GPC6: variants seen among roughly 807,000 people sequenced by gnomAD.
GPC6 encodes the protein glypican 6.
GPC6 carries 14 observed loss-of-function variants against 55.2 expected under a neutral mutation model. The ratio of observed to expected loss-of-function variants is 0.25; its 90% CI spans 0.17 to 0.40. The LOEUF (loss-of-function observed/expected upper bound fraction) is 0.40. Ranked by LOEUF, GPC6 falls within the 10% of genes least tolerant of loss-of-function variation. The pLI, the probability that GPC6 is intolerant of heterozygous loss-of-function variation, is 1.00. For missense variants in GPC6, 641 were observed against 708.5 expected, an observed-to-expected ratio of 0.90 and a Z score of 1.08; for synonymous variants, 278 against 259.6, an observed-to-expected ratio of 1.07 and a Z score of -0.68.
intron 4 of GPC6, among the ~76,000 whole-genome samples, chr13:94,175,104 A>AT (rs1198419900): frequency 2.6e-5 from 4 of 152,042 alleles, no homozygotes; most frequent in Non-Finnish European, 1.5e-5. Flanking sequence ...CAGTATGTAC[A>AT]TTTTTCTGTC....
intron 3 of GPC6, among the ~76,000 whole-genome samples, chr13:93,951,372 C>T (rs74109141): frequency 0.034 from 5,103 of 152,178 alleles, 89 homozygotes; most frequent in Middle Eastern, 0.058. Context: ...GGTCTGTGGC[C>T]TAACTCAATT....
At chr13:93,728,786 C>T (rs958067701) in intron 2 of GPC6, among the ~76,000 whole-genome samples, 8 of 151,990 alleles carry the variant, frequency 5.3e-5, no homozygotes, top group African/African-American at 9.7e-5. Flanking sequence ...AGGCTGGTTT[C>T]GAACTCCTGA....
At chr13:93,605,082 C>G (rs1044499929) in intron 2 of GPC6, among the ~76,000 whole-genome samples, 1 of 152,066 alleles carries the variant, frequency 6.6e-6, no homozygotes, top group Admixed American at 6.6e-5. Flanking sequence ...CTGTTGTTTT[C>G]ATGCATTTCA....
intron 8 of GPC6, among the ~76,000 whole-genome samples, chr13:94,400,781 T>C (rs1881094395): frequency 6.6e-6 from 1 of 152,156 alleles, no homozygotes; most frequent in African/African-American, 2.4e-5. Flanking sequence ...GGGACATTGG[T>C]TGGAAATCAT....
At chr13:94,232,161 C>T (rs1890748009) in intron 4 of GPC6, among the ~76,000 whole-genome samples, 1 of 152,236 alleles carries the variant, frequency 6.6e-6, no homozygotes, top group Non-Finnish European at 1.5e-5. Context: ...ATCTACTTCT[C>T]ATGTACTGAC....
intron 1 of GPC6, among the ~76,000 whole-genome samples, chr13:93,501,978 G>A (rs1033859260): frequency 3.9e-5 from 6 of 152,102 alleles, no homozygotes; most frequent in Non-Finnish European, 7.4e-5. Context: ...ATATTAAAGA[G>A]TGTTAACTTG....
intron 2 of GPC6, among the ~76,000 whole-genome samples, chr13:93,690,536 T>C (rs1412227364): frequency 1.3e-5 from 2 of 152,010 alleles, no homozygotes; most frequent in Non-Finnish European, 2.9e-5. Flanking sequence ...TTTTTAATGT[T>C]TGCCATGCCT....
chr13:93,245,688 C>T (rs1326320936), intron 1 of GPC6, among the ~76,000 whole-genome samples: 4 of 152,168 alleles, frequency 2.6e-5, no homozygotes, highest in Non-Finnish European at 4.4e-5. Flanking sequence ...AGTGGGCAGT[C>T]ACCTTTTGGA....
At chr13:93,748,613 T>G (rs1262805462) in intron 2 of GPC6, among the ~76,000 whole-genome samples, 3 of 152,116 alleles carry the variant, frequency 2.0e-5, no homozygotes, top group African/African-American at 7.2e-5. Context: ...CCATTCATAA[T>G]TAAGTCTTAA....
intron 1 of GPC6, among the ~76,000 whole-genome samples, chr13:93,374,290 A>G (rs1379334590): frequency 1.3e-5 from 2 of 152,218 alleles, no homozygotes; most frequent in Non-Finnish European, 2.9e-5. Flanking sequence ...GGGATTGCGG[A>G]GCAGGTGGGC....
intron 4 of GPC6, among the ~76,000 whole-genome samples, chr13:94,151,034 A>G (rs532067): frequency 0.44 from 67,002 of 151,492 alleles, 16,258 homozygotes; most frequent in Non-Finnish European, 0.53. Context: ...ATGATAGCTC[A>G]TTTTATAACA....
intron 1 of GPC6, among the ~76,000 whole-genome samples, chr13:93,435,042 A>C (rs558351137): frequency 2.6e-5 from 4 of 152,330 alleles, no homozygotes; most frequent in South Asian, 2.1e-4. Flanking sequence ...AGTACCTTCC[A>C]TTAGAATTTA....
chr13:93,310,270 T>TA (rs1176712828), intron 1 of GPC6, among the ~76,000 whole-genome samples: 1 of 152,126 alleles, frequency 6.6e-6, no homozygotes, highest in Non-Finnish European at 1.5e-5. Context: ...AGAAACCGTA[T>TA]AAAAAACAAT....
intron 6 of GPC6, among the ~76,000 whole-genome samples, chr13:94,311,802 C>T (rs1321673489): frequency 1.3e-5 from 2 of 152,078 alleles, no homozygotes; most frequent in African/African-American, 4.8e-5. Context: ...AAAGGAAGAC[C>T]TTGAGAAGGG....
At chr13:94,020,200 A>C (rs776885048) in intron 3 of GPC6, among the ~76,000 whole-genome samples, 17 of 152,034 alleles carry the variant, frequency 1.1e-4, no homozygotes, top group Non-Finnish European at 1.8e-4. Context: ...CATTCATCTA[A>C]GTATTTTCTA....
intron 3 of GPC6, among the ~76,000 whole-genome samples, chr13:94,013,542 G>T (rs1194976785): frequency 6.6e-6 from 1 of 152,078 alleles, no homozygotes; most frequent in Non-Finnish European, 1.5e-5. Flanking sequence ...TGGAGACGGG[G>T]TTTCTCCATG....
chr13:93,653,650 T>C (rs1880524930), intron 2 of GPC6, among the ~76,000 whole-genome samples: 1 of 151,396 alleles, frequency 6.6e-6, no homozygotes, highest in Non-Finnish European at 1.5e-5. Flanking sequence ...AAAAAATATA[T>C]ATTTTTCTGA....
intron 1 of GPC6, among the ~76,000 whole-genome samples, chr13:93,305,396 C>T (rs972509515): frequency 1.3e-5 from 2 of 152,070 alleles, no homozygotes; most frequent in Admixed American, 6.5e-5. Context: ...GTACTGGGAC[C>T]ACAAGCAGTA....
At chr13:94,090,589 G>T (rs932983167) in intron 4 of GPC6, among the ~76,000 whole-genome samples, 2 of 152,132 alleles carry the variant, frequency 1.3e-5, no homozygotes, top group African/African-American at 4.8e-5. Flanking sequence ...CAGGTCTCCT[G>T]ATTTGCAAAC....
Sources: allele counts gnomAD v4.1 joint callset (sites outside exome capture counted in the v4.1 genomes callset), GRCh38; gene constraint gnomAD v4.1.1; transcripts MANE v1.5; gene names NCBI Gene and HGNC (gene_info 2026-07-23, HGNC 2026-07-21).